The following CFAP44 variants were observed in gnomAD, a reference collection of about 807,000 sequenced individuals.
The protein encoded by CFAP44 is cilia and flagella associated protein 44, also known as cilia- and flagella-associated protein 44.
In CFAP44, 134 loss-of-function variants were observed where a neutral mutation model predicts 216.2. The ratio of observed to expected loss-of-function variants is 0.62; its 90% CI spans 0.54 to 0.72. CFAP44 has a LOEUF of 0.72. Among genes scored for constraint, CFAP44 ranks in the 30% least tolerant of loss-of-function variants. CFAP44 has a pLI of 0.00. For missense variants in CFAP44, 2,035 were observed against 2,182.1 expected, an observed-to-expected ratio of 0.93 and a Z score of 1.34; for synonymous variants, 700 against 727.6, an observed-to-expected ratio of 0.96 and a Z score of 0.61.
rs1265779070 is a variant in CFAP44, at chr3:113,288,221, T to C, written c.*3336A>G. 3 of 151,974 alleles carry C rather than the reference T, an allele frequency of 2.0e-5. No homozygotes were observed. The highest frequency in any genetic ancestry group is 4.4e-5 in the Non-Finnish European group (3 of 68,014). 9.4% of individuals were successfully genotyped at this position (151,974 alleles called of 1,614,324 possible). On this transcript the variant is annotated 3_prime_UTR_variant, in exon 35 of 35. Transcript: ENST00000393845. ...TGATAAACAGGGTCCTAGGGAAGAG[T>C]CACTCTGACTGTTTAGGGCAAGTGC...
chr3:113,298,753 A>G (rs1168934616), intron 32 of CFAP44, among the ~76,000 whole-genome samples: 2 of 152,250 alleles, frequency 1.3e-5, no homozygotes, highest in Non-Finnish European at 2.9e-5. Context: ...CAAATACTGT[A>G]TTATTCTCCT....
At chr3:113,298,991 A>C (rs1042052123) in intron 32 of CFAP44, among the ~76,000 whole-genome samples, 1 of 152,244 alleles carries the variant, frequency 6.6e-6, no homozygotes, top group African/African-American at 2.4e-5. Flanking sequence ...AAATGTTATG[A>C]TATGTACATT....
At position 113,289,290 on chromosome 3, in the gene CFAP44, A is replaced by G. The variant is rs1949805554; in HGVS notation, c.*2267T>C. 1 of 152,264 alleles carries G rather than the reference A, an allele frequency of 6.6e-6. No individual in the cohort carries two copies. The highest frequency in any genetic ancestry group is 1.5e-5 in the Non-Finnish European group (1 of 68,048). 9.4% of individuals were successfully genotyped at this position (152,264 alleles called of 1,614,324 possible). A position where few individuals can be genotyped will look rare whatever the true frequency, so the allele number is the denominator to read the frequency against. ...TGCGGAATGAAGCCCTGAATATTGT[A>G]GAATTAACTAGTGATTTAGTCCAGC... On this transcript the variant is annotated 3_prime_UTR_variant, in exon 35 of 35. Transcript: ENST00000393845.
intron 4 of CFAP44, 112 bp downstream of exon 4, chr3:113,426,011 AT>A (rs1354330837): frequency 4.6e-6 from 6 of 1,304,950 alleles, no homozygotes; most frequent in Admixed American, 4.6e-5. Context: ...ATAAAACTTG[AT>A]TTACCAAAAC....
At chr3:113,424,966 T>C (rs924276483) in intron 4 of CFAP44, among the ~76,000 whole-genome samples, 2 of 152,136 alleles carry the variant, frequency 1.3e-5, no homozygotes, top group African/African-American at 2.4e-5. Context: ...ACTAGCACAG[T>C]AGGTCCCGGA....
At chr3:113,380,807 T>C in intron 16 of CFAP44, 92 bp downstream of exon 16, 2 of 1,112,578 alleles carry the variant, frequency 1.8e-6, no homozygotes, top group Non-Finnish European at 2.4e-6. Flanking sequence ...TGTTTTATTC[T>C]TTTGTGTATT....
chr3:113,426,053 C>T, intron 4 of CFAP44, 71 bp downstream of exon 4: 2 of 1,555,764 alleles, frequency 1.3e-6, no homozygotes, highest in Non-Finnish European at 1.7e-6. Context: ...GCTCCCTGGG[C>T]TATAGTTTGC....
intron 24 of CFAP44, among the ~76,000 whole-genome samples, chr3:113,335,258 A>T (rs1950272305): frequency 6.6e-6 from 1 of 152,222 alleles, no homozygotes; most frequent in South Asian, 2.1e-4. Context: ...GAGAAAAGTA[A>T]AAAGACATGA....
intron 32 of CFAP44, among the ~76,000 whole-genome samples, chr3:113,299,277 G>A (rs763242657): frequency 2.0e-5 from 3 of 152,288 alleles, no homozygotes; most frequent in Non-Finnish European, 4.4e-5. Flanking sequence ...GTTCTTAAAA[G>A]AAGACATACA....
At chr3:113,421,639 T>C (rs907114613) in intron 4 of CFAP44, among the ~76,000 whole-genome samples, 1 of 152,190 alleles carries the variant, frequency 6.6e-6, no homozygotes, top group East Asian at 1.9e-4. Context: ...ATATACACCA[T>C]GAAATACTAT....
intron 16 of CFAP44, among the ~76,000 whole-genome samples, chr3:113,380,231 T>G (rs1175155586): frequency 1.3e-5 from 2 of 152,098 alleles, no homozygotes; most frequent in South Asian, 4.2e-4. Flanking sequence ...ATCCCAGTGG[T>G]CTAAAATGAA....
At chr3:113,431,084 C>T (rs1213717302) in intron 2 of CFAP44, among the ~76,000 whole-genome samples, 1 of 151,888 alleles carries the variant, frequency 6.6e-6, no homozygotes, top group Non-Finnish European at 1.5e-5. Flanking sequence ...ACATGAGAAT[C>T]CCAGAGTAAA....
chr3:113,353,959 A>T (rs765107096), intron 22 of CFAP44, among the ~76,000 whole-genome samples: 4 of 152,164 alleles, frequency 2.6e-5, no homozygotes, highest in Non-Finnish European at 5.9e-5. Flanking sequence ...TGTTCCCATA[A>T]ACCTGATAAT....
At chr3:113,306,855 A>C (rs1417874167) in intron 29 of CFAP44, among the ~76,000 whole-genome samples, 1 of 152,220 alleles carries the variant, frequency 6.6e-6, no homozygotes, top group East Asian at 1.9e-4. Flanking sequence ...GTCATTCTTC[A>C]AGCCATTTAA....
chr3:113,304,076 A>G lies in CFAP44; in HGVS notation c.4917T>C (p.Ser1639=). 1 of 1,537,298 alleles carries G rather than the reference A, an allele frequency of 6.5e-7. No individual in the cohort carries two copies. Among genetic ancestry groups the G allele is most frequent in the Non-Finnish European group, 8.7e-7 (1 of 1,146,918 alleles). ...CATGGTTAGAGAAGACCAAAGTACC[A>G]GAAAGATCGCTAGGTATTTCTCCAA... ...VVFGEIPSDL[S]GTLVFSNHAL... The change falls in exon 32 of 35, where the codon TCT becomes TCC. Residue 1639 remains serine (S), a synonymous_variant. Coordinates refer to ENST00000393845, the MANE Select transcript of CFAP44 (RefSeq NM_001164496.2).
At chr3:113,361,684 G>A (rs1204074382) in intron 21 of CFAP44, among the ~76,000 whole-genome samples, 1 of 151,562 alleles carries the variant, frequency 6.6e-6, no homozygotes, top group South Asian at 2.1e-4. Flanking sequence ...TTTTTTAGTG[G>A]AGACAGGGTT....
At position 113,401,222 on chromosome 3, in the gene CFAP44, GAAT is replaced by G. The variant is rs1036453999; in HGVS notation, c.1374+15_1374+17del. On this transcript the variant is annotated intron_variant, in intron 11 of 34. Coordinates refer to ENST00000393845, the MANE Select transcript of CFAP44 (RefSeq NM_001164496.2). ...TACTATGAAAGTTAGGAGAAAATAAGAATAATAGGCAACTTACAATATTTGAAA... is the reference window on the plus strand; with the variant it reads ...TACTATGAAAGTTAGGAGAAAATAAGAATAGGCAACTTACAATATTTGAAA... The G allele has an allele frequency of 1.3e-6, 2 of 1,572,936 alleles. No homozygotes were observed. Among genetic ancestry groups the G allele is most frequent in the African/African-American group, 1.4e-5 (1 of 72,422 alleles).
chr3:113,302,745 C>T (rs1202447175), intron 32 of CFAP44, among the ~76,000 whole-genome samples: 1 of 140,844 alleles, frequency 7.1e-6, no homozygotes, highest in Non-Finnish European at 1.5e-5. Flanking sequence ...GAGACTCCAG[C>T]CTGGGCGATA....
rs76749401 is a variant in CFAP44 at position 113,291,425 on chromosome 3, C to T, written c.*132G>A. On this transcript the variant is annotated 3_prime_UTR_variant, in exon 35 of 35. Transcript: ENST00000393845. ...TAGAGAGATTCTTAAAGTGACTTAACGTGACTGGATCTGGTTTTACACTTT... is the reference window on the plus strand; with the variant it reads ...TAGAGAGATTCTTAAAGTGACTTAATGTGACTGGATCTGGTTTTACACTTT... The T allele has an allele frequency of 1.1e-3, 1,132 of 1,053,122 alleles. 11 individuals are homozygous for T. The African/African-American group carries it at 0.016, about 15-fold the overall frequency. 65.2% of individuals were successfully genotyped at this position (1,053,122 alleles called of 1,614,324 possible).
Sources: gnomAD v4.1 joint callset for allele counts (sites outside exome capture counted in the v4.1 genomes callset) on GRCh38, gnomAD v4.1.1 for gene constraint, MANE v1.5 for transcripts, NCBI Gene and HGNC (gene_info 2026-07-23, HGNC 2026-07-21) for gene names.